MAP7D3: variants seen among roughly 807,000 people sequenced by gnomAD.
MAP7D3 encodes MAP7 domain containing 3, also known as MAP7 domain-containing protein 3.
In MAP7D3, 45 loss-of-function variants were observed where a neutral mutation model predicts 62.2. The ratio of observed to expected loss-of-function variants is 0.72; its 90% CI spans 0.57 to 0.93. MAP7D3 has a LOEUF of 0.93. Ranked by LOEUF, MAP7D3 falls within the 40% of genes least tolerant of loss-of-function variation. The pLI, the probability that MAP7D3 is intolerant of heterozygous loss-of-function variation, is 0.00. For synonymous variants in MAP7D3, 288 were observed against 248.8 expected (o/e 1.16, Z -1.48); for missense variants, 711 against 683.1 (o/e 1.04, Z -0.45).
rs536624093 is a variant in MAP7D3, at chrX:136,233,462, C to T, written c.737-1242G>A. Among the ~76,000 whole-genome samples the T allele has an allele frequency of 7.5e-5, 8 of 106,745 alleles. No individual in the cohort carries two copies. In the South Asian group the frequency reaches 2.5e-3, roughly 34 times the overall value. The allele number at this position is 106,745 out of a possible 115,157, so 92.7% of individuals were successfully genotyped here. On this transcript the variant is annotated intron_variant, in intron 7 of 18. Transcript: ENST00000316077. ...GAAAATTTTGTATTTTTAGTAGAGA[C>T]GGGGTTTCACCATGTTGGCCAGTCT...
downstream of MAP7D3, among the ~76,000 whole-genome samples, chrX:136,215,202 G>C (rs189696302): frequency 8.0e-5 from 9 of 111,882 alleles, no homozygotes; most frequent in East Asian, 2.5e-3. Flanking sequence ...CCAACCCTTG[G>C]GCCACGGACT....
intron 1 of MAP7D3, 71 bp from the exon 2 acceptor site, chrX:136,246,412 C>T (rs898574513): frequency 1.4e-5 from 9 of 633,049 alleles, no homozygotes; most frequent in East Asian, 3.5e-5. Flanking sequence ...CAGCAAACCA[C>T]GGCCAATTGT....
intron 12 of MAP7D3, 141 bp downstream of exon 12, chrX:136,227,135 TAATAAATA>T: frequency 7.0e-6 from 3 of 426,944 alleles, no homozygotes; most frequent in Non-Finnish European, 7.1e-6. Context: ...ATCTCAAAAT[TAATAAATA>T]AATAAATAAA....
At chrX:136,241,767 T>C (rs1012154199) in intron 4 of MAP7D3, among the ~76,000 whole-genome samples, 2 of 111,089 alleles carry the variant, frequency 1.8e-5, no homozygotes, top group African/African-American at 6.5e-5. Flanking sequence ...CAGAATCATC[T>C]AGTATACTCA....
chrX:136,231,691 T>C lies in MAP7D3; in HGVS notation c.1266A>G (p.Ala422=), dbSNP rs374265549. Residue 422 remains alanine (A), a synonymous_variant, in exon 8 of 19, where the codon GCA becomes GCG. Coordinates refer to ENST00000316077, the MANE Select transcript of MAP7D3 (RefSeq NM_024597.4). ...GSLEAPPKGS[A]EVAPKESVKG... is the part of the protein sequence containing the mutation. Reference sequence around the variant, plus strand: ...TCACACTCTCCTTGGGGGCTACTTCTGCGCTCCCCTTGGGAGGTGCTTCCA... The same window carrying C: ...TCACACTCTCCTTGGGGGCTACTTCCGCGCTCCCCTTGGGAGGTGCTTCCA... The C allele has an allele frequency of 3.2e-5, 39 of 1,207,144 alleles. No individual in the cohort carries two copies. The highest frequency in any genetic ancestry group is 4.3e-5 in the Non-Finnish European group (38 of 893,655).
At chrX:136,227,608 T>C (rs1330467330) in intron 11 of MAP7D3, among the ~76,000 whole-genome samples, 177 bp from the exon 12 acceptor site, 1 of 109,928 alleles carries the variant, frequency 9.1e-6, no homozygotes, top group Admixed American at 9.8e-5. Context: ...CACCCCTTTT[T>C]AAAGAGAAAA....
At chrX:136,230,302 G>A (rs2074251247) in intron 10 of MAP7D3, 83 bp downstream of exon 10, 1 of 552,917 alleles carries the variant, frequency 1.8e-6, no homozygotes, top group South Asian at 3.0e-5. Flanking sequence ...TCTCAATTGG[G>A]GAATAAAATG....
In MAP7D3 at chrX:136,220,886, C is replaced by G. The variant is rs770063034; in HGVS notation, c.2365G>C (p.Val789Leu). The change falls in exon 16 of 19, where the codon GTA becomes CTA. Residue 789 changes from valine to leucine, a missense_variant. Val to Leu is a conservative substitution (Grantham distance 32). Coordinates refer to ENST00000316077, the MANE Select transcript of MAP7D3 (RefSeq NM_024597.4). The part of the protein sequence containing the change: ...NNAKKMTHKL[V>L]FLEDGTSQVR... ...TGGCTGGTACCATCTTCTAGAAATACCAGCTTGTGTGTCATTTTCTTGGCA... is the reference window on the plus strand; with the variant it reads ...TGGCTGGTACCATCTTCTAGAAATAGCAGCTTGTGTGTCATTTTCTTGGCA... The G allele has an allele frequency of 8.3e-7, 1 of 1,206,848 alleles. No individual in the cohort carries two copies. The highest frequency in any genetic ancestry group is 1.1e-6 in the Non-Finnish European group (1 of 891,080).
chrX:136,225,857 C>A lies in MAP7D3; in HGVS notation c.2139+52G>T, dbSNP rs369877320. On this transcript the variant is annotated intron_variant, in intron 13 of 18. Transcript: ENST00000316077. Reference sequence around the variant, plus strand: ...TTAAAAACATGCTGATATCAGGTGCCCAACATTGTTTTAAACACAGAATCA... The same window carrying A: ...TTAAAAACATGCTGATATCAGGTGCACAACATTGTTTTAAACACAGAATCA... 1.2e-3 allele frequency: 975 copies of A among 801,185 alleles called. 9 individuals are homozygous for A. The highest frequency in any genetic ancestry group is 1.9e-4 in the Non-Finnish European group (101 of 544,434). The allele number at this position is 801,185 out of a possible 1,213,427, so 66.0% of individuals were successfully genotyped here.
intron 6 of MAP7D3, among the ~76,000 whole-genome samples, chrX:136,239,864 A>G (rs770055203): frequency 5.9e-4 from 66 of 112,333 alleles, no homozygotes; most frequent in African/African-American, 2.1e-3. Flanking sequence ...ACTGAGGTCC[A>G]ATAATCCCAT....
intron 11 of MAP7D3, 33 bp from the exon 12 acceptor site, chrX:136,227,464 C>T: frequency 9.3e-7 from 1 of 1,075,092 alleles, no homozygotes; most frequent in Non-Finnish European, 1.3e-6. Flanking sequence ...TAGTATTTAT[C>T]TTGATTGCTA....
At position 136,230,439 on chromosome X, in the gene MAP7D3, A is replaced by G. The variant is rs1449018339; in HGVS notation, c.1696T>C (p.Ser566Pro). 2 of 1,204,998 alleles carry G rather than the reference A, an allele frequency of 1.7e-6. No homozygotes were observed. The highest frequency in any genetic ancestry group is 2.2e-6 in the Non-Finnish European group (2 of 889,520). Residue 566 changes from serine (S) to proline (P), a missense_variant, in exon 10 of 19, where the codon TCT (serine) becomes CCT (proline). Physicochemically the swap from Ser to Pro is moderately conservative, Grantham distance 74. Coordinates refer to ENST00000316077, the MANE Select transcript of MAP7D3 (RefSeq NM_024597.4). ...GCCTCACATCTGTTAGTGGTTTTAGAAACTGTTTCTTTTTTCTTTTTGACA... is the reference window on the plus strand; with the variant it reads ...GCCTCACATCTGTTAGTGGTTTTAGGAACTGTTTCTTTTTTCTTTTTGACA... Reference protein sequence around the residue: ...STVKKKKETVSKTTNRCEALS... With the variant: ...STVKKKKETVPKTTNRCEALS...
At chrX:136,223,384 G>A (rs1352965179) in intron 14 of MAP7D3, among the ~76,000 whole-genome samples, 1 of 110,740 alleles carries the variant, frequency 9.0e-6, no homozygotes, top group Non-Finnish European at 1.9e-5. Context: ...TGACATTGGG[G>A]TAAGCAAATA....
In MAP7D3 at chrX:136,240,365, A is replaced by G. The variant is rs148764811; in HGVS notation, c.640+17T>C. Reference sequence around the variant, plus strand: ...ATTTAATAGAAATTCAGTAGAATACATGAAATAACTACTTACTTTTGGCAA... The same window carrying G: ...ATTTAATAGAAATTCAGTAGAATACGTGAAATAACTACTTACTTTTGGCAA... On this transcript the variant is annotated intron_variant, in intron 6 of 18. Transcript: ENST00000316077. 43 of 1,010,590 alleles carry G rather than the reference A, an allele frequency of 4.3e-5. No homozygotes were observed. The African/African-American group carries it at 5.8e-4, about 14-fold the overall frequency. 83.3% of individuals were successfully genotyped at this position (1,010,590 alleles called of 1,213,427 possible). A position where few individuals can be genotyped will look rare whatever the true frequency, so the allele number is the denominator to read the frequency against.
chrX:136,241,308 C>A, intron 4 of MAP7D3, 31 bp from the exon 5 acceptor site: 3 of 787,090 alleles, frequency 3.8e-6, no homozygotes, highest in Non-Finnish European at 5.6e-6. Flanking sequence ...CATATTTTTA[C>A]ATATTCATCA....
At chrX:136,245,476 G>C (rs1254785074) in intron 3 of MAP7D3, among the ~76,000 whole-genome samples, 2 of 111,383 alleles carry the variant, frequency 1.8e-5, no homozygotes, top group Non-Finnish European at 3.8e-5. Flanking sequence ...GGCCAGGCGC[G>C]GTGGCTCACG....
rs755118216 is a variant in MAP7D3, at chrX:136,231,631, A to G, written c.1326T>C (p.Pro442=). 109 of 1,208,369 alleles carry G rather than the reference A, an allele frequency of 9.0e-5. No homozygotes were observed. In the South Asian group the frequency reaches 1.9e-3, roughly 21 times the overall value. The part of the protein sequence containing the change: ...GSPKESMEAS[P]EAMVKASPKT... ...TGGGGGATGCTTTCACCATCGCCTC[A>G]GGAGATGCCTCCATGCTCTCCTTGG... is the stretch of plus-strand genomic sequence containing the variant. Residue 442 remains proline, a synonymous_variant, in exon 8 of 19, where the codon CCT becomes CCC. Coordinates refer to ENST00000316077, the MANE Select transcript of MAP7D3 (RefSeq NM_024597.4).
At chrX:136,226,430 A>T (rs995903069) in intron 12 of MAP7D3, among the ~76,000 whole-genome samples, 1 of 112,279 alleles carries the variant, frequency 8.9e-6, no homozygotes, top group African/African-American at 3.2e-5. Flanking sequence ...CTGGTGAATA[A>T]TACACTAAAA....
intron 10 of MAP7D3, 98 bp from the exon 11 acceptor site, chrX:136,228,856 A>ATG: frequency 1.5e-6 from 1 of 668,251 alleles, no homozygotes; most frequent in Non-Finnish European, 2.1e-6. Flanking sequence ...ATATATATAT[A>ATG]TGTGCGTAGT....
Sources: gnomAD v4.1 joint callset for allele counts (sites outside exome capture counted in the v4.1 genomes callset) on GRCh38, gnomAD v4.1.1 for gene constraint, MANE v1.5 for transcripts, NCBI Gene and HGNC (gene_info 2026-07-23, HGNC 2026-07-21) for gene names.